The following HS3ST4 variants were observed in gnomAD, a reference collection of about 807,000 sequenced individuals.
HS3ST4 encodes the protein heparan sulfate-glucosamine 3-sulfotransferase 4.
A neutral mutation model predicts 29.2 loss-of-function variants in HS3ST4; 17 were observed. The observed-to-expected ratio is 0.58, with a 90% CI of 0.40 to 0.87. The LOEUF (loss-of-function observed/expected upper bound fraction) is 0.87, where lower values mean the gene tolerates loss of function less well. Ranked by LOEUF, HS3ST4 falls within the 40% of genes least tolerant of loss-of-function variation. The pLI is 0.00. For synonymous variants in HS3ST4, 314 were observed against 285.7 expected (o/e 1.10, Z -1.00); for missense variants, 627 against 634.5 (o/e 0.99, Z 0.13).
chr16:26,113,922 G>A (rs1366653736), intron 1 of HS3ST4, among the ~76,000 whole-genome samples: 2 of 152,122 alleles, frequency 1.3e-5, no homozygotes, highest in South Asian at 2.1e-4. Context: ...GCATATGTGG[G>A]CATACATATC....
At chr16:26,115,027 A>G (rs1899182712) in intron 1 of HS3ST4, among the ~76,000 whole-genome samples, 2 of 152,172 alleles carry the variant, frequency 1.3e-5, no homozygotes, top group Non-Finnish European at 2.9e-5. Flanking sequence ...GCAATATACC[A>G]TAAAACATTC....
chr16:26,026,367 A>G (rs1277281511), intron 1 of HS3ST4, among the ~76,000 whole-genome samples: 1 of 152,212 alleles, frequency 6.6e-6, no homozygotes, highest in Non-Finnish European at 1.5e-5. Context: ...CCATAAGAAT[A>G]GTTCGTTATT....
intron 1 of HS3ST4, among the ~76,000 whole-genome samples, chr16:26,089,681 A>G (rs936920601): frequency 6.6e-6 from 1 of 152,228 alleles, no homozygotes; most frequent in African/African-American, 2.4e-5. Context: ...TGGACCTACC[A>G]TTAGGAAGCT....
At chr16:25,802,864 C>T (rs943304919) in intron 1 of HS3ST4, among the ~76,000 whole-genome samples, 4 of 150,418 alleles carry the variant, frequency 2.7e-5, no homozygotes, top group Admixed American at 6.6e-5. Flanking sequence ...GTGATAATTA[C>T]GTATTATATT....
chr16:26,090,819 T>C (rs892828895), intron 1 of HS3ST4, among the ~76,000 whole-genome samples: 4 of 152,134 alleles, frequency 2.6e-5, no homozygotes, highest in South Asian at 2.1e-4. Flanking sequence ...TCCACCACCC[T>C]GGCCCCACCC....
At chr16:25,857,922 T>TTCTTTCTTTCTTTC (rs58025392) in intron 1 of HS3ST4, among the ~76,000 whole-genome samples, 2 of 41,606 alleles carry the variant, frequency 4.8e-5, no homozygotes, top group African/African-American at 2.9e-4. Flanking sequence ...CTTCCTTCCT[T>TTCTTTCTTTCTTTC]TCTTTCTTTC....
intron 1 of HS3ST4, among the ~76,000 whole-genome samples, chr16:26,093,358 C>G (rs1366677083): frequency 6.6e-6 from 1 of 152,118 alleles, no homozygotes; most frequent in African/African-American, 2.4e-5. Flanking sequence ...ACACCTCATA[C>G]AGGCGGGTGC....
At chr16:25,813,056 G>A (rs1156514677) in intron 1 of HS3ST4, among the ~76,000 whole-genome samples, 1 of 152,082 alleles carries the variant, frequency 6.6e-6, no homozygotes, top group Non-Finnish European at 1.5e-5. Flanking sequence ...CTGACAAAGG[G>A]CTCATGTCCA....
In HS3ST4 at chr16:25,763,493, C is replaced by G. The variant is rs531163399; in HGVS notation, c.734+70342C>G. ...GCAAACCCTTGAGTGTCAAATTATT[C>G]TTGCATTTACCAACGATCACCAGGC... On this transcript the variant is annotated intron_variant, in intron 1 of 1. Coordinates refer to ENST00000331351, the MANE Select transcript of HS3ST4 (RefSeq NM_006040.3). 6.4e-4 allele frequency among the ~76,000 whole-genome samples: 98 copies of G among 152,292 alleles called. 1 individual carries two copies. The highest frequency in any genetic ancestry group is 3.4e-3 in the Middle Eastern group (1 of 294).
chr16:25,857,960 C>CTTTCTTTCTT (rs1967597623), intron 1 of HS3ST4, among the ~76,000 whole-genome samples: 1 of 53,564 alleles, frequency 1.9e-5, no homozygotes, highest in South Asian at 7.0e-4. Context: ...TTCTTTCTTT[C>CTTTCTTTCTT]TTTCTTTCTT....
chr16:25,848,987 G>T (rs557109561), intron 1 of HS3ST4, among the ~76,000 whole-genome samples: 1 of 152,112 alleles, frequency 6.6e-6, no homozygotes, highest in South Asian at 2.1e-4. Context: ...TTCTAAACAG[G>T]TTGTAATTTC....
chr16:26,022,357 G>T (rs1342334909), intron 1 of HS3ST4, among the ~76,000 whole-genome samples: 1 of 152,136 alleles, frequency 6.6e-6, no homozygotes, highest in East Asian at 1.9e-4. Context: ...TTAGTGGTGG[G>T]TGATTTGTAT....
At chr16:26,125,550 T>C (rs1006303895) in intron 1 of HS3ST4, among the ~76,000 whole-genome samples, 1 of 152,202 alleles carries the variant, frequency 6.6e-6, no homozygotes, top group Non-Finnish European at 1.5e-5. Context: ...AGCCCAGCGG[T>C]TGGGGACCCC....
intron 1 of HS3ST4, among the ~76,000 whole-genome samples, chr16:25,994,257 A>G (rs1048798377): frequency 1.3e-5 from 2 of 151,996 alleles, no homozygotes; most frequent in Non-Finnish European, 2.9e-5. Flanking sequence ...CAGCTTTATA[A>G]TACGTTTTTC....
At chr16:26,118,018 G>C (rs1212634452) in intron 1 of HS3ST4, among the ~76,000 whole-genome samples, 1 of 152,164 alleles carries the variant, frequency 6.6e-6, no homozygotes. Flanking sequence ...GGGAAAGAAT[G>C]ATGGGTCAGG....
chr16:25,904,875 G>A (rs961545566), intron 1 of HS3ST4, among the ~76,000 whole-genome samples: 10 of 152,112 alleles, frequency 6.6e-5, no homozygotes, highest in African/African-American at 2.4e-4. Flanking sequence ...TTTGGACAGC[G>A]CCTGGTACAG....
intron 1 of HS3ST4, among the ~76,000 whole-genome samples, chr16:26,092,964 C>T (rs114533144): frequency 0.015 from 2,309 of 152,268 alleles, 49 homozygotes; most frequent in African/African-American, 0.051. Flanking sequence ...GTGGGTCCTT[C>T]GCCCACAGAG....
At chr16:25,755,004 TCATC>T (rs1461144051) in intron 1 of HS3ST4, among the ~76,000 whole-genome samples, 2 of 151,214 alleles carry the variant, frequency 1.3e-5, no homozygotes, top group Admixed American at 6.6e-5. Context: ...CATCTACCCA[TCATC>T]CATCCATCTG....
chr16:25,824,250 AAT>A (rs1325942749), intron 1 of HS3ST4, among the ~76,000 whole-genome samples: 1 of 151,998 alleles, frequency 6.6e-6, no homozygotes, highest in African/African-American at 2.4e-5. Context: ...CTGAATACTC[AAT>A]GAGCAAATCC....
Sources: gnomAD v4.1 joint callset for allele counts (sites outside exome capture counted in the v4.1 genomes callset) on GRCh38, gnomAD v4.1.1 for gene constraint, MANE v1.5 for transcripts, NCBI Gene and HGNC (gene_info 2026-07-23, HGNC 2026-07-21) for gene names.